Variants in RGS6 observed in about 807,000 individuals in gnomAD.
RGS6 encodes regulator of G-protein signaling 6.
RGS6 carries 30 observed loss-of-function variants against 78.5 expected under a neutral mutation model. That is an observed-to-expected ratio of 0.38 (90% CI 0.29 to 0.52). The LOEUF is 0.52. Ranked by LOEUF, RGS6 falls within the 20% of genes least tolerant of loss-of-function variation. RGS6 has a pLI of 0.85. For missense variants in RGS6, 495 were observed against 609.7 expected (o/e 0.81, Z 1.98); for synonymous variants, 206 against 206.0 (o/e 1.00, Z 0.00).
intron 16 of RGS6, among the ~76,000 whole-genome samples, chr14:72,539,067 C>T (rs2097286986): frequency 1.3e-5 from 2 of 152,210 alleles, no homozygotes; most frequent in Middle Eastern, 3.2e-3. Flanking sequence ...ATCCAGGATA[C>T]ACTAGCAGGT....
chr14:72,396,769 C>G (rs1015268958), intron 3 of RGS6, among the ~76,000 whole-genome samples: 1 of 148,738 alleles, frequency 6.7e-6, no homozygotes, highest in Non-Finnish European at 1.5e-5. Context: ...ATATGTCTAG[C>G]CAGTTTTCCC....
intron 1 of RGS6, among the ~76,000 whole-genome samples, chr14:71,944,520 G>A (rs954635449): frequency 6.6e-6 from 1 of 152,132 alleles, no homozygotes; most frequent in Non-Finnish European, 1.5e-5. Context: ...TAGAAAATTA[G>A]CAATAAAAGA....
At chr14:72,077,389 T>G (rs1419290087) in intron 2 of RGS6, among the ~76,000 whole-genome samples, 1 of 152,218 alleles carries the variant, frequency 6.6e-6, no homozygotes, top group Non-Finnish European at 1.5e-5. Flanking sequence ...ATTAGTCTTT[T>G]AACCTTTGTT....
In RGS6 at chr14:72,052,983, TTCTC is replaced by T. The variant is rs372866325; in HGVS notation, c.84+88128_84+88131del. The stretch of plus-strand genomic sequence containing the variant: ...TTTCTTTCTTTCTTTCTTTCTTTCT[TTCTC>T]TCTCTCTCTCTCTCTCTCTTTCTTT... On this transcript the variant is annotated intron_variant, in intron 2 of 17. Transcript: ENST00000553525. Among the ~76,000 whole-genome samples, 728 of 85,546 alleles carry T rather than the reference TTCTC, an allele frequency of 8.5e-3. 21 individuals are homozygous for T. The highest frequency in any genetic ancestry group is 0.033 in the Admixed American group (267 of 8,160). 56.1% of individuals were successfully genotyped at this position (85,546 alleles called of 152,430 possible). A position where few individuals can be genotyped will look rare whatever the true frequency, so the allele number is the denominator to read the frequency against.
chr14:71,977,578 T>A (rs1214313950), intron 2 of RGS6, among the ~76,000 whole-genome samples: 1 of 150,516 alleles, frequency 6.6e-6, no homozygotes, highest in Non-Finnish European at 1.5e-5. Flanking sequence ...GTTGTAGATA[T>A]GTGGCATTAT....
chr14:71,936,032 ATATATATATG>A (rs1371747332), intron 1 of RGS6, among the ~76,000 whole-genome samples: 1 of 142,022 alleles, frequency 7.0e-6, no homozygotes, highest in African/African-American at 2.6e-5. Context: ...ATATATATAT[ATATATATATG>A]TACATATATA....
chr14:71,888,452 G>A, the RGS6 span, among the ~76,000 whole-genome samples: 1 of 151,078 alleles, frequency 6.6e-6, no homozygotes, highest in Non-Finnish European at 1.5e-5. Flanking sequence ...AGAAGAAAAA[G>A]AGAAGGGGGA....
chr14:72,403,613 G>A (rs1315220705), intron 3 of RGS6, among the ~76,000 whole-genome samples: 4 of 152,118 alleles, frequency 2.6e-5, no homozygotes, highest in African/African-American at 4.8e-5. Context: ...TGTTCCCAAC[G>A]TAAAGAATTG....
chr14:71,886,495 C>T, the RGS6 span, among the ~76,000 whole-genome samples: 192 of 152,124 alleles, frequency 1.3e-3, no homozygotes, highest in African/African-American at 4.5e-3. Context: ...TGAGTTTTTT[C>T]GTTTAGTAGT....
At chr14:72,132,057 C>CT (rs938901662) in intron 2 of RGS6, among the ~76,000 whole-genome samples, 13 of 152,178 alleles carry the variant, frequency 8.5e-5, no homozygotes, top group African/African-American at 2.9e-4. Context: ...GAGCTTTTTA[C>CT]ATAGCTTTAT....
intron 2 of RGS6, among the ~76,000 whole-genome samples, chr14:72,295,275 A>T (rs945888396): frequency 2.0e-5 from 3 of 148,374 alleles, no homozygotes; most frequent in African/African-American, 7.6e-5. Context: ...TGGGCGACAG[A>T]GCGAGACTCC....
intron 2 of RGS6, among the ~76,000 whole-genome samples, chr14:71,985,500 G>A (rs559422434): frequency 3.7e-4 from 56 of 152,274 alleles, no homozygotes; most frequent in Middle Eastern, 3.4e-3. Flanking sequence ...GTTATTAATA[G>A]CAAATTAAAA....
At chr14:72,226,343 A>G (rs968980772) in intron 2 of RGS6, among the ~76,000 whole-genome samples, 1 of 152,252 alleles carries the variant, frequency 6.6e-6, no homozygotes, top group Non-Finnish European at 1.5e-5. Context: ...CTCAGACATT[A>G]AAATTTTAAA....
intron 2 of RGS6, among the ~76,000 whole-genome samples, chr14:72,330,543 G>A (rs752170893): frequency 1.3e-5 from 2 of 152,206 alleles, no homozygotes; most frequent in Non-Finnish European, 2.9e-5. Flanking sequence ...GTCATAGGGA[G>A]GTTGAAAAAT....
intron 2 of RGS6, among the ~76,000 whole-genome samples, chr14:72,330,242 A>G (rs2074702377): frequency 6.6e-6 from 1 of 152,226 alleles, no homozygotes; most frequent in African/African-American, 2.4e-5. Flanking sequence ...TGCATGTACT[A>G]AATGCCCACT....
At chr14:72,424,343 T>A (rs572166365) in intron 3 of RGS6, among the ~76,000 whole-genome samples, 90 of 152,278 alleles carry the variant, frequency 5.9e-4, no homozygotes, top group Middle Eastern at 3.4e-3. Flanking sequence ...AAATGCAGGA[T>A]TCAAAGAAGT....
intron 2 of RGS6, among the ~76,000 whole-genome samples, chr14:72,068,848 G>A (rs2094291229): frequency 1.3e-5 from 2 of 151,692 alleles, no homozygotes; most frequent in African/African-American, 4.8e-5. Context: ...TTAAAAATAA[G>A]TCTCATAATA....
At chr14:72,296,812 T>G (rs1443002796) in intron 2 of RGS6, among the ~76,000 whole-genome samples, 1 of 152,218 alleles carries the variant, frequency 6.6e-6, no homozygotes, top group Non-Finnish European at 1.5e-5. Context: ...TATTTTTCTC[T>G]TATGGTTATT....
intron 2 of RGS6, among the ~76,000 whole-genome samples, chr14:72,262,371 C>T (rs758644497): frequency 6.6e-6 from 1 of 152,212 alleles, no homozygotes; most frequent in Admixed American, 6.5e-5. Context: ...TTGCAGAATC[C>T]CACCTTCTCA....
Sources: gnomAD v4.1 joint callset for allele counts (sites outside exome capture counted in the v4.1 genomes callset) on GRCh38, gnomAD v4.1.1 for gene constraint, MANE v1.5 for transcripts, NCBI Gene and HGNC (gene_info 2026-07-23, HGNC 2026-07-21) for gene names.